ARHGEF26: variants seen among roughly 807,000 people sequenced by gnomAD.
ARHGEF26 encodes Rho guanine nucleotide exchange factor (GEF) 26.
Under a neutral mutation model 89.4 loss-of-function variants are expected in ARHGEF26, and 59 were observed. That is an observed-to-expected ratio of 0.66 (90% CI 0.54 to 0.82). The LOEUF is 0.82. ARHGEF26 is among the 40% of genes least tolerant of loss of function. The probability of loss-of-function intolerance (pLI) is 0.00; values close to 1 mark genes in which losing one functional copy is unlikely to be tolerated. For missense variants in ARHGEF26, 1,234 were observed against 1,085.6 expected (o/e 1.14, Z -1.92); for synonymous variants, 500 against 428.4 (o/e 1.17, Z -2.06).
chr3:154,251,956 T>C (rs1203597313), intron 12 of ARHGEF26, among the ~76,000 whole-genome samples: 12 of 152,140 alleles, frequency 7.9e-5, no homozygotes, highest in Non-Finnish European at 1.5e-5. Flanking sequence ...TTAAGAAATT[T>C]TAATGGCAAT....
chr3:154,171,490 C>G (rs952675373), intron 6 of ARHGEF26, among the ~76,000 whole-genome samples: 14 of 152,206 alleles, frequency 9.2e-5, no homozygotes, highest in African/African-American at 3.1e-4. Flanking sequence ...AATAGTTTCA[C>G]TGCTCTAAAT....
At chr3:154,249,915 A>G (rs569387336) in intron 12 of ARHGEF26, among the ~76,000 whole-genome samples, 1 of 152,294 alleles carries the variant, frequency 6.6e-6, no homozygotes, top group Admixed American at 6.5e-5. Context: ...GTCTAAATTT[A>G]ATCGTGGGTA....
intron 6 of ARHGEF26, among the ~76,000 whole-genome samples, chr3:154,163,502 A>G (rs1163276078): frequency 1.3e-5 from 2 of 152,218 alleles, no homozygotes; most frequent in Non-Finnish European, 2.9e-5. Context: ...GGTTCAGTCT[A>G]CAGAACTAAA....
At chr3:154,223,083 T>A (rs192796140) in intron 10 of ARHGEF26, among the ~76,000 whole-genome samples, 3 of 152,314 alleles carry the variant, frequency 2.0e-5, no homozygotes, top group African/African-American at 7.2e-5. Context: ...GAATTTTGTT[T>A]TTTTGTCTTG....
At position 154,122,418 on chromosome 3, in the gene ARHGEF26, G is replaced by T. The variant is rs766252685; in HGVS notation, c.426G>T (p.Pro142=). The part of the protein sequence containing the change: ...AVTLPAPPPP[P]VLRPPRTPNA... ...CCTTGCCTGCGCCGCCGCCGCCGCC[G>T]GTTCTGCGCCCCCCGCGGACTCCTA... is the stretch of plus-strand genomic sequence containing the variant. The change falls in exon 2 of 15, where the codon CCG becomes CCT. Residue 142 remains proline (P), a synonymous_variant. Transcript: ENST00000465093. 1.4e-4 allele frequency: 227 copies of T among 1,610,702 alleles called. No individual in the cohort carries two copies. The highest frequency in any genetic ancestry group is 3.7e-4 in the Admixed American group (22 of 59,874).
chr3:154,131,166 T>C (rs939621040), intron 4 of ARHGEF26, among the ~76,000 whole-genome samples: 1 of 152,132 alleles, frequency 6.6e-6, no homozygotes, highest in African/African-American at 2.4e-5. Flanking sequence ...TGCTGGTATA[T>C]GTAGGTGATA....
chr3:154,207,296 A>G (rs1057436992), intron 9 of ARHGEF26, among the ~76,000 whole-genome samples: 2 of 152,196 alleles, frequency 1.3e-5, no homozygotes, highest in African/African-American at 4.8e-5. Flanking sequence ...AGCAAAGGAA[A>G]CTCTCAACAG....
At position 154,245,375 on chromosome 3, in the gene ARHGEF26, T is replaced by C. The variant is rs1326499880; in HGVS notation, c.2300+4796T>C. Among the ~76,000 whole-genome samples, 4 of 152,256 alleles carry C rather than the reference T, an allele frequency of 2.6e-5. No homozygotes were observed. In the East Asian group the frequency reaches 5.8e-4, roughly 22 times the overall value. On this transcript the variant is annotated intron_variant, in intron 12 of 14. Transcript: ENST00000465093. Reference sequence around the variant, plus strand: ...GGAAAAAAGATTGTGGAAACCTAGATGTTAAATTTAGGATATCATATGGGT... The same window carrying C: ...GGAAAAAAGATTGTGGAAACCTAGACGTTAAATTTAGGATATCATATGGGT...
At chr3:154,254,355 G>A (rs921235572) in intron 13 of ARHGEF26, among the ~76,000 whole-genome samples, 25 of 152,200 alleles carry the variant, frequency 1.6e-4, no homozygotes, top group African/African-American at 5.1e-4. Flanking sequence ...CAGGAGAACT[G>A]TGTCTGTTGC....
At chr3:154,178,726 C>T (rs997978667) in intron 6 of ARHGEF26, among the ~76,000 whole-genome samples, 3 of 151,834 alleles carry the variant, frequency 2.0e-5, no homozygotes, top group African/African-American at 4.8e-5. Context: ...TTTTTATTTC[C>T]CTCGGGTATA....
At chr3:154,230,149 A>G (rs1716743494) in intron 11 of ARHGEF26, among the ~76,000 whole-genome samples, 1 of 152,204 alleles carries the variant, frequency 6.6e-6, no homozygotes, top group Non-Finnish European at 1.5e-5. Context: ...GCTGAAAGCA[A>G]AATTTTCCTT....
intron 4 of ARHGEF26, among the ~76,000 whole-genome samples, chr3:154,143,949 G>T (rs971533587): frequency 1.3e-5 from 2 of 152,130 alleles, no homozygotes; most frequent in Admixed American, 1.3e-4. Context: ...TTTAGTCCAG[G>T]CTCAGTAGCC....
chr3:154,148,918 A>T (rs959376), intron 4 of ARHGEF26, among the ~76,000 whole-genome samples: 134,660 of 152,208 alleles, frequency 0.88, 59,664 homozygotes, highest in East Asian at 1. Context: ...CAGACTTGGT[A>T]TTAGAAGGGG....
chr3:154,166,995 T>C (rs561326003), intron 6 of ARHGEF26, among the ~76,000 whole-genome samples: 1 of 152,272 alleles, frequency 6.6e-6, no homozygotes, highest in African/African-American at 2.4e-5. Context: ...TTTTAGTCCA[T>C]CAAACAGCCA....
chr3:154,154,308 T>G (rs1023912356), intron 6 of ARHGEF26, among the ~76,000 whole-genome samples: 1 of 152,084 alleles, frequency 6.6e-6, no homozygotes, highest in African/African-American at 2.4e-5. Flanking sequence ...TCTTTTGAAA[T>G]GAGGTGGTAT....
intron 6 of ARHGEF26, among the ~76,000 whole-genome samples, chr3:154,153,961 G>A (rs1720175149): frequency 6.6e-6 from 1 of 151,804 alleles, no homozygotes; most frequent in Non-Finnish European, 1.5e-5. Context: ...CATTTGTTCT[G>A]TAGAATTTCC....
chr3:154,213,650 A>G (rs1014267473), intron 9 of ARHGEF26, among the ~76,000 whole-genome samples: 2 of 152,110 alleles, frequency 1.3e-5, no homozygotes, highest in Non-Finnish European at 2.9e-5. Context: ...AGGGATAGCT[A>G]TTGGCCTGGT....
intron 6 of ARHGEF26, among the ~76,000 whole-genome samples, chr3:154,179,727 G>A (rs1248220181): frequency 2.0e-5 from 3 of 152,168 alleles, no homozygotes; most frequent in Admixed American, 2.0e-4. Flanking sequence ...ATATAGTAGG[G>A]CCCATGAGTT....
Position 154,196,565 on chromosome 3 carries a change from A to G in ARHGEF26, c.1845+1847A>G, listed in dbSNP as rs371279156. 3.9e-5 allele frequency among the ~76,000 whole-genome samples: 6 copies of G among 152,160 alleles called. No homozygotes were observed. In the South Asian group the frequency reaches 6.2e-4, roughly 16 times the overall value. ...TAATATTTACAAAATCATGGGTTTT[A>G]TTAGTTGTTTATTTTTCTAACATTT... On this transcript the variant is annotated intron_variant, in intron 9 of 14. Coordinates refer to ENST00000465093, the MANE Select transcript of ARHGEF26 (RefSeq NM_015595.4).
Sources: gnomAD v4.1 joint callset for allele counts (sites outside exome capture counted in the v4.1 genomes callset) on GRCh38, gnomAD v4.1.1 for gene constraint, MANE v1.5 for transcripts, NCBI Gene and HGNC (gene_info 2026-07-23, HGNC 2026-07-21) for gene names.